IKZF2: variants seen among roughly 807,000 people sequenced by gnomAD.
The protein encoded by IKZF2 is zinc finger protein Helios.
IKZF2 carries 15 observed loss-of-function variants against 49.2 expected under a neutral mutation model. That is an observed-to-expected ratio of 0.30 (90% CI 0.20 to 0.47). IKZF2 has a LOEUF of 0.47. Among genes scored for constraint, IKZF2 ranks in the 20% least tolerant of loss-of-function variants. The pLI, the probability that IKZF2 is intolerant of heterozygous loss-of-function variation, is 1.00. For synonymous variants in IKZF2, 227 were observed against 221.4 expected (o/e 1.03, Z -0.23); for missense variants, 567 against 664.6 (o/e 0.85, Z 1.61).
chr2:213,032,524 A>G (rs1698558549), intron 6 of IKZF2, among the ~76,000 whole-genome samples: 1 of 152,190 alleles, frequency 6.6e-6, no homozygotes, highest in Non-Finnish European at 1.5e-5. Flanking sequence ...ACTAAAGCCC[A>G]GGAGTTCTAG....
intron 4 of IKZF2, among the ~76,000 whole-genome samples, chr2:213,142,301 A>G (rs957971597): frequency 9.9e-5 from 15 of 152,066 alleles, no homozygotes; most frequent in African/African-American, 3.4e-4. Flanking sequence ...GCTTTAAATA[A>G]CGGAGGGTTC....
chr2:213,120,948 C>T (rs889535159), intron 4 of IKZF2, among the ~76,000 whole-genome samples: 1 of 151,940 alleles, frequency 6.6e-6, no homozygotes, highest in Non-Finnish European at 1.5e-5. Context: ...TGCCATGTTG[C>T]CCAAGCTGCT....
chr2:213,123,375 T>C (rs531195354), intron 4 of IKZF2, among the ~76,000 whole-genome samples: 1 of 152,322 alleles, frequency 6.6e-6, no homozygotes, highest in Admixed American at 6.5e-5. Flanking sequence ...AAATTGTATA[T>C]GTAAATGGAA....
At chr2:213,053,190 T>A (rs1321923372) in intron 5 of IKZF2, among the ~76,000 whole-genome samples, 1 of 152,138 alleles carries the variant, frequency 6.6e-6, no homozygotes, top group Non-Finnish European at 1.5e-5. Flanking sequence ...ATCTTTCCCC[T>A]GGTAGGCACA....
At chr2:213,076,699 A>G (rs970527503) in intron 4 of IKZF2, among the ~76,000 whole-genome samples, 2 of 152,176 alleles carry the variant, frequency 1.3e-5, no homozygotes, top group Non-Finnish European at 2.9e-5. Context: ...ATAAATTATG[A>G]TATTTTAATT....
At chr2:213,133,321 C>T (rs2060534055) in intron 4 of IKZF2, among the ~76,000 whole-genome samples, 1 of 152,140 alleles carries the variant, frequency 6.6e-6, no homozygotes, top group Non-Finnish European at 1.5e-5. Context: ...GCTGAGCTTC[C>T]AAGAGATAAA....
rs779526368 is a variant in IKZF2, at chr2:213,037,284, C to G, written c.574+12429G>C. Among the ~76,000 whole-genome samples the G allele has an allele frequency of 5.9e-5, 9 of 152,294 alleles. No homozygotes were observed. In the Middle Eastern group the frequency reaches 0.01, roughly 174 times the overall value. On this transcript the variant is annotated intron_variant, in intron 6 of 8. Coordinates refer to ENST00000434687, the MANE Select transcript of IKZF2 (RefSeq NM_001387220.1). ...TACAATAAATTGATCTTCTAAATGA[C>G]TTGCACCAAAGTGAAAAGAGCTGCA...
At chr2:213,150,455 CCCTCCTCCT>C (rs3217488) in intron 1 of IKZF2, 3 of 186,310 alleles carry the variant, frequency 1.6e-5, no homozygotes, top group African/African-American at 2.4e-5. Context: ...AAGAACACCC[CCCTCCTCCT>C]CCTCCTCCTC....
In IKZF2 at chr2:213,049,966, C is replaced by G. The variant is rs553525098; in HGVS notation, c.407-86G>C. The stretch of plus-strand genomic sequence containing the variant: ...CATCCACTGTTAACCAAAGCCAGTT[C>G]TCTATGCTAAAAATGTTCATCTCCC... On this transcript the variant is annotated intron_variant, in intron 5 of 8. Coordinates refer to ENST00000434687, the MANE Select transcript of IKZF2 (RefSeq NM_001387220.1). 2.1e-5 allele frequency: 20 copies of G among 941,938 alleles called. No homozygotes were observed. The East Asian group carries it at 5.6e-4, about 26-fold the overall frequency. The allele number at this position is 941,938 out of a possible 1,614,324, so 58.3% of individuals were successfully genotyped here.
chr2:213,015,435 C>T (rs1253524334), intron 7 of IKZF2, among the ~76,000 whole-genome samples: 1 of 151,900 alleles, frequency 6.6e-6, no homozygotes, highest in East Asian at 1.9e-4. Flanking sequence ...AAAAGTATGT[C>T]CCAAGATATT....
chr2:213,112,047 A>C (rs1481191502), intron 4 of IKZF2, among the ~76,000 whole-genome samples: 2 of 152,170 alleles, frequency 1.3e-5, no homozygotes, highest in African/African-American at 4.8e-5. Flanking sequence ...TACCAACCAG[A>C]AAGATTTGCA....
intron 4 of IKZF2, among the ~76,000 whole-genome samples, chr2:213,112,781 AC>A (rs1281546311): frequency 3.3e-5 from 5 of 152,190 alleles, no homozygotes; most frequent in African/African-American, 7.2e-5. Flanking sequence ...GAACTAGGCA[AC>A]CAAGGTTTGA....
chr2:213,025,695 C>A (rs1697745788), intron 6 of IKZF2, among the ~76,000 whole-genome samples: 1 of 152,074 alleles, frequency 6.6e-6, no homozygotes, highest in African/African-American at 2.4e-5. Flanking sequence ...GATATTCCCC[C>A]AAAACCAAAT....
chr2:213,033,106 C>G (rs915949203), intron 6 of IKZF2, among the ~76,000 whole-genome samples: 9 of 152,216 alleles, frequency 5.9e-5, no homozygotes, highest in Non-Finnish European at 1.3e-4. Context: ...GATTCGATCT[C>G]AAGAAACCAC....
intron 5 of IKZF2, chr2:213,056,565 C>T: frequency 1.8e-6 from 1 of 554,816 alleles, no homozygotes; most frequent in South Asian, 2.0e-5. Flanking sequence ...TTCTCCTATA[C>T]CTTTTGAACC....
Position 213,051,067 on chromosome 2 carries a change from G to A in IKZF2, c.407-1187C>T, listed in dbSNP as rs529975686. Among the ~76,000 whole-genome samples, 25 of 152,016 alleles carry A rather than the reference G, an allele frequency of 1.6e-4. 1 individual carries two copies. The highest frequency in any genetic ancestry group is 1.4e-3 in the Admixed American group (22 of 15,238). On this transcript the variant is annotated intron_variant, in intron 5 of 8. Transcript: ENST00000434687. The stretch of plus-strand genomic sequence containing the variant: ...CAAAAAGCTTACATTGAAATGTCAT[G>A]TTTCATATATCTTTAACTGAAACAC...
At chr2:213,146,534 CTTAAAG>C in intron 4 of IKZF2, among the ~76,000 whole-genome samples, 1 of 151,890 alleles carries the variant, frequency 6.6e-6, no homozygotes, top group East Asian at 1.9e-4. Context: ...GCTAAAATTA[CTTAAAG>C]TTAATAAATT....
Position 213,040,893 on chromosome 2 carries a change from G to A in IKZF2, c.574+8820C>T, listed in dbSNP as rs183356397. ...AGCACTTTGGGAGGCTGAGGCAGGC[G>A]AATCACCTGAGGTCAGGAGTTCAAG... On this transcript the variant is annotated intron_variant, in intron 6 of 8. Transcript: ENST00000434687. 9.9e-5 allele frequency among the ~76,000 whole-genome samples: 15 copies of A among 152,258 alleles called. No homozygotes were observed. The East Asian group carries it at 1.5e-3, about 16-fold the overall frequency.
chr2:213,150,830 T>G (rs1274927181), intron 1 of IKZF2, among the ~76,000 whole-genome samples: 1 of 151,584 alleles, frequency 6.6e-6, no homozygotes, highest in Non-Finnish European at 1.5e-5. Context: ...TAATTCCATC[T>G]CTTTCGCCCA....
Sources: allele counts gnomAD v4.1 joint callset (sites outside exome capture counted in the v4.1 genomes callset), GRCh38; gene constraint gnomAD v4.1.1; transcripts MANE v1.5; gene names NCBI Gene and HGNC (gene_info 2026-07-23, HGNC 2026-07-21).